LILRB4: variants seen among roughly 807,000 people sequenced by gnomAD.
LILRB4 encodes leukocyte immunoglobulin-like receptor subfamily B member 4.
In LILRB4, 49 loss-of-function variants were observed where a neutral mutation model predicts 55.2. That is an observed-to-expected ratio of 0.89 (90% confidence interval 0.71 to 1.13). LILRB4 has a LOEUF of 1.13. LILRB4 is among the 50% of genes most tolerant of loss of function. LILRB4 has a pLI of 0.00. For missense variants in LILRB4, 590 were observed against 555.2 expected, an observed-to-expected ratio of 1.06 and a Z score of -0.63; for synonymous variants, 229 against 213.8, an observed-to-expected ratio of 1.07 and a Z score of -0.62.
In LILRB4 at chr19:54,666,924, C is replaced by A. The variant is rs1042976948; in HGVS notation, c.1041+175C>A. On this transcript the variant is annotated intron_variant, in intron 10 of 11. Transcript: ENST00000430952. The surrounding 1 kb of genome is among the most constrained non-coding windows in gnomAD (Gnocchi z 4.8). ...TCACTCTCTCCTGCTGTCCTGGGAC[C>A]TCATGGGCCTCCTCCCGGGTCCCCT... 3.9e-6 allele frequency: 3 copies of A among 772,372 alleles called. No individual in the cohort carries two copies. The highest frequency in any genetic ancestry group is 7.1e-6 in the Non-Finnish European group (3 of 423,964). The allele number at this position is 772,372 out of a possible 1,614,324, so 47.8% of individuals were successfully genotyped here.
Position 54,663,970 on chromosome 19 carries a change from A to G in LILRB4, c.287A>G (p.Tyr96Cys), listed in dbSNP as rs751606597. Residue 96 changes from tyrosine (Y) to cysteine (C), a missense_variant, in exon 3 of 12, where the codon TAC (tyrosine) becomes TGC (cysteine). By Grantham distance (194) the Tyr-to-Cys change is radical. Transcript: ENST00000430952. ...ATGACAGAGGACTATGCAGGGAGAT[A>G]CCGCTGTTACTATCGCAGCCCTGTA... 3.7e-6 allele frequency: 6 copies of G among 1,614,062 alleles called. No homozygotes were observed. The East Asian group carries it at 1.1e-4, about 30-fold the overall frequency.
At chr19:54,668,339 A>G in exon 12 of LILRB4, 1 of 291,860 alleles carries the variant, frequency 3.4e-6, no homozygotes, top group Admixed American at 4.6e-5. Context: ...GGAGCTTCTA[A>G]TGAGGACAAA....
At position 54,664,167 on chromosome 19, in the gene LILRB4, G is replaced by A. The variant is rs368470900; in HGVS notation, c.356-19G>A. On this transcript the variant is annotated intron_variant, in intron 3 of 11. Transcript: ENST00000430952. The stretch of plus-strand genomic sequence containing the variant: ...GGAGGTGGGAGCCCCATTTAACACG[G>A]TGCCTCCTTCTCTCCTAGGAGCCTA... The A allele has an allele frequency of 6.2e-7, 1 of 1,604,204 alleles. No individual in the cohort carries two copies. The highest frequency in any genetic ancestry group is 8.5e-7 in the Non-Finnish European group (1 of 1,174,256).
At chr19:54,664,828 A>G in exon 5 of LILRB4, 1 of 1,609,910 alleles carries the variant, frequency 6.2e-7, no homozygotes, top group East Asian at 2.2e-5. Context: ...GCCCTCACCC[A>G]CAAGGTCCGT....
exon 4 of LILRB4, chr19:54,664,295 G>T (rs2065162356): frequency 1.2e-6 from 2 of 1,613,990 alleles, no homozygotes; most frequent in Non-Finnish European, 1.7e-6. Context: ...CTTTTCTTCT[G>T]ATCAAGGAGC....
rs772023562 is a variant in LILRB4, at chr19:54,665,890, T to A, written c.833T>A (p.Leu278His). ...CTGCTTCTCTCCCTCCTCCTCTTCC[T>A]CCTCCTCCAACACTGGCGTCAGGGA... The change falls in exon 7 of 12, where the codon CTC becomes CAC. Residue 278 changes from leucine (L) to histidine (H), a missense_variant. Coordinates refer to ENST00000430952, the Ensembl canonical transcript of LILRB4. This position sits in a 1 kb window ranked among gnomAD's most constrained non-coding sequence, Gnocchi z 5.5. 6.2e-7 allele frequency: 1 copy of A among 1,613,122 alleles called. No homozygotes were observed. Among genetic ancestry groups the A allele is most frequent in the Non-Finnish European group, 8.5e-7 (1 of 1,179,764 alleles).
Position 54,666,997 on chromosome 19 carries a change from C to G in LILRB4, c.1041+248C>G, listed in dbSNP as rs971818249. ...GGCCATCTGGTTGTTAGAGAGCTCC[C>G]CAGGCCTCAGGAGGATGACGAATAA... is the stretch of plus-strand genomic sequence containing the variant. On this transcript the variant is annotated intron_variant, in intron 10 of 11. Transcript: ENST00000430952. This position sits in a 1 kb window ranked among gnomAD's most constrained non-coding sequence, Gnocchi z 4.8. 6 of 699,564 alleles carry G rather than the reference C, an allele frequency of 8.6e-6. No homozygotes were observed. The highest frequency in any genetic ancestry group is 8.1e-5 in the Admixed American group (4 of 49,360). 43.3% of individuals were successfully genotyped at this position (699,564 alleles called of 1,614,324 possible).
At position 54,666,148 on chromosome 19, in the gene LILRB4, G is replaced by A; in HGVS notation, c.875-92G>A. 1 of 1,332,216 alleles carries A rather than the reference G, an allele frequency of 7.5e-7. No individual in the cohort carries two copies. Among genetic ancestry groups the A allele is most frequent in the Non-Finnish European group, 1.0e-6 (1 of 965,608 alleles). 82.5% of individuals were successfully genotyped at this position (1,332,216 alleles called of 1,614,324 possible). A position where few individuals can be genotyped will look rare whatever the true frequency, so the allele number is the denominator to read the frequency against. On this transcript the variant is annotated intron_variant, in intron 7 of 11. Coordinates refer to ENST00000430952, the Ensembl canonical transcript of LILRB4. The surrounding 1 kb of genome is among the most constrained non-coding windows in gnomAD (Gnocchi z 4.8). Reference sequence around the variant, plus strand: ...AAGTATTTAAAACATCCTTGCAAGTGTATTTTCAGGTTTCCTTTCCTCTTG... The same window carrying A: ...AAGTATTTAAAACATCCTTGCAAGTATATTTTCAGGTTTCCTTTCCTCTTG...
At chr19:54,663,533 G>A (rs772243906) in exon 2 of LILRB4, 3 of 1,613,100 alleles carry the variant, frequency 1.9e-6, no homozygotes, top group South Asian at 1.1e-5. Context: ...CTCTTCCAGG[G>A]CTGAGTCTGG....
intron 2 of LILRB4, 27 bp from the exon 3 acceptor site, chr19:54,663,727 G>A (rs765606487): frequency 3.1e-6 from 5 of 1,612,394 alleles, no homozygotes; most frequent in East Asian, 4.5e-5. Flanking sequence ...GGAAGGTCTT[G>A]GGATCCAGCC....
chr19:54,663,783 G>A (rs758413152), exon 3 of LILRB4: 1 of 1,614,126 alleles, frequency 6.2e-7, no homozygotes, highest in Non-Finnish European at 8.5e-7. Flanking sequence ...CCTCTGGGCT[G>A]AGCCAGGCTC....
chr19:54,663,619 G>T, intron 2 of LILRB4, 52 bp downstream of exon 2: 1 of 1,612,680 alleles, frequency 6.2e-7, no homozygotes, highest in Non-Finnish European at 8.5e-7. Flanking sequence ...GGGACAAGGG[G>T]CCACCCATGG....
At chr19:54,663,352 A>G (rs534516564) in intron 1 of LILRB4, among the ~76,000 whole-genome samples, 180 bp from the exon 2 acceptor site, 2 of 149,160 alleles carry the variant, frequency 1.3e-5, no homozygotes, top group East Asian at 2.0e-4. Context: ...AGGCTGAGGC[A>G]GGAGAATGGC....
At position 54,666,847 on chromosome 19, in the gene LILRB4, G is replaced by A. The variant is rs1014226748; in HGVS notation, c.1041+98G>A. ...CCTCCTTCCCCCGGCTCTCAGCATCGTCACGGTGGACCCCTCCTTGTCCAG... is the reference window on the plus strand; with the variant it reads ...CCTCCTTCCCCCGGCTCTCAGCATCATCACGGTGGACCCCTCCTTGTCCAG... On this transcript the variant is annotated intron_variant, in intron 10 of 11. Coordinates refer to ENST00000430952, the Ensembl canonical transcript of LILRB4. The surrounding 1 kb of genome is among the most constrained non-coding windows in gnomAD (Gnocchi z 4.8). 6.5e-5 allele frequency: 77 copies of A among 1,191,848 alleles called. No homozygotes were observed. The highest frequency in any genetic ancestry group is 1.2e-4 in the East Asian group (5 of 42,962). The allele number at this position is 1,191,848 out of a possible 1,614,324, so 73.8% of individuals were successfully genotyped here. A position where few individuals can be genotyped will look rare whatever the true frequency, so the allele number is the denominator to read the frequency against.
intron 2 of LILRB4, 77 bp from the exon 3 acceptor site, chr19:54,663,676 CG>C (rs533435672): frequency 1.1e-5 from 17 of 1,607,608 alleles, no homozygotes; most frequent in Admixed American, 6.7e-5. Flanking sequence ...ATGAGGATGA[CG>C]GGGGGGTCCT....
At chr19:54,664,528 T>C in intron 4 of LILRB4, 43 bp downstream of exon 4, 1 of 1,544,902 alleles carries the variant, frequency 6.5e-7, no homozygotes, top group Non-Finnish European at 8.8e-7. Flanking sequence ...AGTGGCTCCG[T>C]TCATGCCCTG....
rs1375086742 is a variant in LILRB4, at chr19:54,666,665, C to G, written c.989-32C>G. On this transcript the variant is annotated intron_variant, in intron 9 of 11. Transcript: ENST00000430952. This position sits in a 1 kb window ranked among gnomAD's most constrained non-coding sequence, Gnocchi z 4.8. ...AATGAGAGGTCCCAGGGAACCTTCC[C>G]AGGAGATGAACCCCTTGCTCTACCC... 4 of 1,610,702 alleles carry G rather than the reference C, an allele frequency of 2.5e-6. No individual in the cohort carries two copies. Among genetic ancestry groups the G allele is most frequent in the Non-Finnish European group, 3.4e-6 (4 of 1,177,602 alleles).
At chr19:54,667,911 C>T (rs1375255708) in exon 12 of LILRB4, 32 of 1,612,920 alleles carry the variant, frequency 2.0e-5, no homozygotes, top group Non-Finnish European at 2.6e-5. Context: ...TGACCTACGC[C>T]CGGCTGCACA....
chr19:54,663,147 A>C, intron 1 of LILRB4, 80 bp downstream of exon 1: 1 of 1,515,288 alleles, frequency 6.6e-7, no homozygotes, highest in Non-Finnish European at 8.9e-7. Flanking sequence ...TCTTTAGGAG[A>C]CTCAAAAATC....
Sources: gnomAD v4.1 joint callset for allele counts (sites outside exome capture counted in the v4.1 genomes callset) on GRCh38, gnomAD v4.1.1 for gene constraint, Gnocchi (gnomAD v3.1) non-coding constraint, MANE v1.5 for transcripts, NCBI Gene and HGNC (gene_info 2026-07-23, HGNC 2026-07-21) for gene names.